FARS2: variants seen among roughly 807,000 people sequenced by gnomAD.
FARS2 encodes phenylalanyl-tRNA synthetase 2, mitochondrial.
A neutral mutation model predicts 46.4 loss-of-function variants in FARS2; 40 were observed. The ratio of observed to expected loss-of-function variants is 0.86; its 90% CI spans 0.67 to 1.12. The LOEUF is 1.12. FARS2 is among the 50% of genes most tolerant of loss of function. FARS2 has a pLI of 0.00. For synonymous variants in FARS2, 234 were observed against 214.9 expected, an observed-to-expected ratio of 1.09 and a Z score of -0.78; for missense variants, 513 against 567.9, an observed-to-expected ratio of 0.90 and a Z score of 0.98.
At chr6:5,492,755 C>T (rs1370499304) in intron 4 of FARS2, among the ~76,000 whole-genome samples, 1 of 152,190 alleles carries the variant, frequency 6.6e-6, no homozygotes, top group African/African-American at 2.4e-5. Context: ...CCAGGGAGTC[C>T]CAGTTGCAGA....
chr6:5,656,620 A>C (rs1285859740), intron 6 of FARS2, among the ~76,000 whole-genome samples: 1 of 151,474 alleles, frequency 6.6e-6, no homozygotes, highest in Non-Finnish European at 1.5e-5. Flanking sequence ...GTACAATCTC[A>C]GCTCACTGCA....
intron 6 of FARS2, chr6:5,665,465 A>C (rs1244193281): frequency 1.3e-5 from 2 of 152,144 alleles, no homozygotes; most frequent in Non-Finnish European, 2.9e-5. Flanking sequence ...GACTCTAGAG[A>C]GATTTGAGAG....
In FARS2 at chr6:5,519,576, G is replaced by A. The variant is rs555090913; in HGVS notation, c.905-25604G>A. 1.2e-4 allele frequency among the ~76,000 whole-genome samples: 18 copies of A among 152,226 alleles called. No individual in the cohort carries two copies. In the South Asian group the frequency reaches 3.7e-3, roughly 32 times the overall value. On this transcript the variant is annotated intron_variant, in intron 4 of 6. Transcript: ENST00000274680. The stretch of plus-strand genomic sequence containing the variant: ...GAGGATTGAGTTAGAACAAAAATAA[G>A]GCTATTAATTTCTGTACTCCCAACA...
intron 1 of FARS2, among the ~76,000 whole-genome samples, chr6:5,290,093 A>G (rs1472565057): frequency 6.6e-6 from 1 of 152,234 alleles, no homozygotes; most frequent in African/African-American, 2.4e-5. Context: ...AATAAGAAAT[A>G]GCTTGCTGTG....
At chr6:5,649,471 G>T (rs1469420625) in intron 6 of FARS2, among the ~76,000 whole-genome samples, 1 of 152,186 alleles carries the variant, frequency 6.6e-6, no homozygotes, top group East Asian at 1.9e-4. Context: ...GACCCTTGAG[G>T]TTTACATGCA....
In FARS2 at chr6:5,506,013, GC is replaced by G. The variant is rs1396622523; in HGVS notation, c.905-39166del. 3.3e-5 allele frequency among the ~76,000 whole-genome samples: 5 copies of G among 152,270 alleles called. No homozygotes were observed. In the East Asian group the frequency reaches 9.6e-4, roughly 29 times the overall value. On this transcript the variant is annotated intron_variant, in intron 4 of 6. Transcript: ENST00000274680. The stretch of plus-strand genomic sequence containing the variant: ...AACAGGTGAAGGAAAGAGAATGTCA[GC>G]TTTATTTCTCCTCAGCTGATGGAAT...
the FARS2 span, among the ~76,000 whole-genome samples, chr6:5,255,035 C>G: frequency 2.0e-5 from 3 of 152,172 alleles, no homozygotes; most frequent in Non-Finnish European, 4.4e-5. Context: ...ACATTGCCCT[C>G]TTTATGAACT....
chr6:5,420,601 T>C (rs1268981182), intron 3 of FARS2, among the ~76,000 whole-genome samples: 1 of 152,190 alleles, frequency 6.6e-6, no homozygotes, highest in African/African-American at 2.4e-5. Context: ...AGCTCCAGAA[T>C]GATCTCCTTC....
intron 6 of FARS2, among the ~76,000 whole-genome samples, chr6:5,751,036 C>T (rs6911736): frequency 0.18 from 27,405 of 151,940 alleles, 3,283 homozygotes; most frequent in African/African-American, 0.34. Flanking sequence ...GGGGCTGGGC[C>T]GGAATCCTAA....
intron 6 of FARS2, among the ~76,000 whole-genome samples, chr6:5,642,377 T>C (rs1776864512): frequency 6.6e-6 from 1 of 152,206 alleles, no homozygotes; most frequent in Admixed American, 6.5e-5. Context: ...TAGGACTTTT[T>C]TGTTAAGTTT....
intron 6 of FARS2, among the ~76,000 whole-genome samples, chr6:5,730,534 A>C (rs1028391014): frequency 6.6e-6 from 1 of 152,020 alleles, no homozygotes; most frequent in African/African-American, 2.4e-5. Context: ...TTTTTTTACA[A>C]CTAGAACTGT....
intron 3 of FARS2, among the ~76,000 whole-genome samples, chr6:5,430,828 C>T (rs1763118975): frequency 1.3e-5 from 2 of 152,072 alleles, no homozygotes; most frequent in Non-Finnish European, 2.9e-5. Flanking sequence ...TGGAATTACG[C>T]AAAGTGTTTT....
At chr6:5,281,192 A>G (rs1225334040) in intron 1 of FARS2, among the ~76,000 whole-genome samples, 1 of 152,242 alleles carries the variant, frequency 6.6e-6, no homozygotes, top group Admixed American at 6.5e-5. Context: ...CATGGGATTT[A>G]AGAAAGAAGA....
At chr6:5,294,993 C>T (rs1220749815) in intron 1 of FARS2, among the ~76,000 whole-genome samples, 1 of 152,110 alleles carries the variant, frequency 6.6e-6, no homozygotes, top group African/African-American at 2.4e-5. Context: ...GCCCCTGAGG[C>T]CTAAAACACC....
intron 6 of FARS2, among the ~76,000 whole-genome samples, chr6:5,750,831 C>G (rs2150964167): frequency 6.6e-6 from 1 of 152,264 alleles, no homozygotes; most frequent in African/African-American, 2.4e-5. Context: ...TTAATAGGCT[C>G]TCTTTCAACT....
At chr6:5,495,308 C>T (rs1439518839) in intron 4 of FARS2, among the ~76,000 whole-genome samples, 1 of 152,170 alleles carries the variant, frequency 6.6e-6, no homozygotes, top group Non-Finnish European at 1.5e-5. Flanking sequence ...TCTTTTCTTT[C>T]CTTTTCTACA....
At chr6:5,362,385 C>A (rs1758360595) in intron 1 of FARS2, among the ~76,000 whole-genome samples, 2 of 152,318 alleles carry the variant, frequency 1.3e-5, no homozygotes, top group East Asian at 3.9e-4. Context: ...TCTCCTAGTT[C>A]ATCCTTGTCA....
chr6:5,746,198 A>G (rs1047378282), intron 6 of FARS2, among the ~76,000 whole-genome samples: 2 of 152,132 alleles, frequency 1.3e-5, no homozygotes. Context: ...GACCAACCCA[A>G]AGCCAGGCAG....
At chr6:5,257,666 C>A (rs960861114), upstream of FARS2, among the ~76,000 whole-genome samples, 1 of 152,198 alleles carries the variant, frequency 6.6e-6, no homozygotes, top group South Asian at 2.1e-4. Flanking sequence ...CATAGGTGCA[C>A]CTATTGTGAA....
Sources: allele counts gnomAD v4.1 joint callset (sites outside exome capture counted in the v4.1 genomes callset), GRCh38; gene constraint gnomAD v4.1.1; transcripts MANE v1.5; gene names NCBI Gene and HGNC (gene_info 2026-07-23, HGNC 2026-07-21).